CEP350: variants seen among roughly 807,000 people sequenced by gnomAD.
The protein encoded by CEP350 is centrosome-associated protein 350.
In CEP350, 126 loss-of-function variants were observed where a neutral mutation model predicts 331.8. The observed-to-expected ratio is 0.38, with a 90% CI of 0.33 to 0.44. The LOEUF (loss-of-function observed/expected upper bound fraction) is 0.44, where lower values mean the gene tolerates loss of function less well. CEP350 is among the 20% of genes least tolerant of loss of function. The pLI, the probability that CEP350 is intolerant of heterozygous loss-of-function variation, is 1.00. For synonymous variants in CEP350, 1,200 were observed against 1,259.5 expected (o/e 0.95, Z 1.00); for missense variants, 3,406 against 3,634.6 (o/e 0.94, Z 1.62).
intron 1 of CEP350, among the ~76,000 whole-genome samples, chr1:179,961,744 G>A (rs1329038543): frequency 6.6e-6 from 1 of 152,032 alleles, no homozygotes; most frequent in Non-Finnish European, 1.5e-5. Context: ...TCGTTACATG[G>A]GTATATTGCA....
chr1:180,063,317 G>T (rs1383295541), intron 26 of CEP350, among the ~76,000 whole-genome samples: 1 of 148,242 alleles, frequency 6.7e-6, no homozygotes, highest in Non-Finnish European at 1.5e-5. Flanking sequence ...TCAGCCTCCC[G>T]AGTAGCTGGG....
At chr1:180,105,575 A>G (rs1016718383) in intron 37 of CEP350, among the ~76,000 whole-genome samples, 4 of 152,130 alleles carry the variant, frequency 2.6e-5, no homozygotes, top group African/African-American at 7.2e-5. Flanking sequence ...CTCTATACCA[A>G]TCTGTTGAGA....
At chr1:180,042,217 T>C (rs1443483348) in intron 19 of CEP350, among the ~76,000 whole-genome samples, 1 of 151,784 alleles carries the variant, frequency 6.6e-6, no homozygotes, top group Non-Finnish European at 1.5e-5. Context: ...TTTCCTCATG[T>C]CTCTTTGCAA....
chr1:179,971,038 T>G (rs566270600), intron 1 of CEP350, among the ~76,000 whole-genome samples: 2 of 151,820 alleles, frequency 1.3e-5, no homozygotes, highest in East Asian at 3.9e-4. Context: ...GTTTGTTTTT[T>G]TTTTTTTTGA....
At chr1:179,990,656 A>G (rs1652987079) in intron 4 of CEP350, 35 bp downstream of exon 4, 9 of 1,135,186 alleles carry the variant, frequency 7.9e-6, no homozygotes, top group Non-Finnish European at 1.1e-5. Flanking sequence ...ATATACATAT[A>G]TTAAATATAA....
In CEP350 at chr1:180,048,628, C is replaced by A; in HGVS notation, c.4715C>A (p.Ser1572Tyr). Residue 1572 changes from serine to tyrosine, a missense_variant, in exon 22 of 38, where the codon TCC becomes TAC. By Grantham distance (144) the Ser-to-Tyr change is moderately radical. Transcript: ENST00000367607. ...KKLNGEKIES[S>Y]IDEQVQTAAD... Reference sequence around the variant, plus strand: ...CTTAATGGTGAAAAGATAGAGAGTTCCATTGATGAACAGGTTCAGACTGCT... The same window carrying A: ...CTTAATGGTGAAAAGATAGAGAGTTACATTGATGAACAGGTTCAGACTGCT... The A allele has an allele frequency of 6.2e-7, 1 of 1,609,690 alleles. No homozygotes were observed. The highest frequency in any genetic ancestry group is 8.5e-7 in the Non-Finnish European group (1 of 1,176,110).
intron 21 of CEP350, among the ~76,000 whole-genome samples, chr1:180,047,441 G>A (rs542452974): frequency 1.1e-4 from 16 of 152,136 alleles, no homozygotes; most frequent in African/African-American, 3.9e-4. Context: ...GGTTAAGATT[G>A]CCCAAGGAGA....
In CEP350 at chr1:180,043,655, T is replaced by TG. The variant is rs1220828680; in HGVS notation, c.4500-395dup. On this transcript the variant is annotated intron_variant, in intron 20 of 37. Coordinates refer to ENST00000367607, the MANE Select transcript of CEP350 (RefSeq NM_014810.5). Reference sequence around the variant, plus strand: ...GAGCAAAGAAAATGGTATGAGATGATGCAGGGATCAGATCAAGGTATAGGA... The same window carrying TG: ...GAGCAAAGAAAATGGTATGAGATGATGGCAGGGATCAGATCAAGGTATAGGA... Among the ~76,000 whole-genome samples the TG allele has an allele frequency of 5.3e-5, 8 of 152,316 alleles. No individual in the cohort carries two copies. The East Asian group carries it at 1.5e-3, about 29-fold the overall frequency.
Position 180,089,654 on chromosome 1 carries a change from G to A in CEP350, c.6426-1060G>A, listed in dbSNP as rs1278284198. 3.3e-5 allele frequency among the ~76,000 whole-genome samples: 5 copies of A among 152,020 alleles called. 1 individual carries two copies. The highest frequency in any genetic ancestry group is 7.3e-5 in the African/African-American group (3 of 41,378). On this transcript the variant is annotated intron_variant, in intron 32 of 37. Coordinates refer to ENST00000367607, the MANE Select transcript of CEP350 (RefSeq NM_014810.5). ...GGGTAGCAAGTCTAAGATGACTCCC[G>A]GGTTTCTCTTAGGTAGTTGATTGGG...
Position 180,114,251 on chromosome 1 carries a change from G to C in CEP350, c.*3090G>C, listed in dbSNP as rs374486528. 24 of 152,668 alleles carry C rather than the reference G, an allele frequency of 1.6e-4. No individual in the cohort carries two copies. Among genetic ancestry groups the C allele is most frequent in the African/African-American group, 5.8e-4 (24 of 41,560 alleles). The allele number at this position is 152,668 out of a possible 1,614,324, so 9.5% of individuals were successfully genotyped here. Reference sequence around the variant, plus strand: ...TTGAATAAAGTGTGTACTCGCAAAAGAATTTCTGTAGCACAGCATTAGAGA... The same window carrying C: ...TTGAATAAAGTGTGTACTCGCAAAACAATTTCTGTAGCACAGCATTAGAGA... On this transcript the variant is annotated 3_prime_UTR_variant, in exon 38 of 38. Coordinates refer to ENST00000367607, the MANE Select transcript of CEP350 (RefSeq NM_014810.5).
In CEP350 at chr1:180,072,530, G is replaced by A. The variant is rs116125179; in HGVS notation, c.5568-2492G>A. 7.2e-3 allele frequency among the ~76,000 whole-genome samples: 1,102 copies of A among 152,194 alleles called. 4 individuals are homozygous for A. Among genetic ancestry groups the A allele is most frequent in the South Asian group, 8.1e-3 (39 of 4,818 alleles). Reference sequence around the variant, plus strand: ...TGGCATCAAAATAAGTTTATTGTACGTTCATAAAGAATGGCAAGGAAGATT... The same window carrying A: ...TGGCATCAAAATAAGTTTATTGTACATTCATAAAGAATGGCAAGGAAGATT... On this transcript the variant is annotated intron_variant, in intron 27 of 37. Transcript: ENST00000367607.
intron 15 of CEP350, 109 bp from the exon 16 acceptor site, chr1:180,033,753 T>G: frequency 8.8e-7 from 1 of 1,130,708 alleles, no homozygotes; most frequent in Middle Eastern, 2.4e-4. Flanking sequence ...ATCACAACTT[T>G]TTAAAGCTAA....
chr1:180,043,273 T>C, intron 20 of CEP350, 81 bp downstream of exon 20: 1 of 1,450,038 alleles, frequency 6.9e-7, no homozygotes, highest in Non-Finnish European at 9.2e-7. Context: ...AATGAGTATT[T>C]GTTGTTATAG....
chr1:180,046,566 A>G (rs1657134673), intron 21 of CEP350, among the ~76,000 whole-genome samples: 1 of 152,192 alleles, frequency 6.6e-6, no homozygotes. Flanking sequence ...TTGTGTGGAT[A>G]TGTTTTCATT....
At chr1:179,962,441 G>T (rs1352345778) in intron 1 of CEP350, among the ~76,000 whole-genome samples, 24 of 151,810 alleles carry the variant, frequency 1.6e-4, no homozygotes, top group Non-Finnish European at 1.0e-4. Flanking sequence ...GCAGAGTCTC[G>T]CTCTGTTGCT....
intron 7 of CEP350, among the ~76,000 whole-genome samples, chr1:180,004,898 GCTTGCTTGCTTT>G (rs1457881559): frequency 8.4e-4 from 102 of 121,450 alleles, no homozygotes; most frequent in African/African-American, 3.1e-3. Flanking sequence ...TTGCTTGCTT[GCTTGCTTGCTTT>G]CTTTCTTTCT....
intron 1 of CEP350, among the ~76,000 whole-genome samples, chr1:179,957,266 ATTG>A (rs910779697): frequency 2.0e-5 from 3 of 152,156 alleles, no homozygotes; most frequent in Non-Finnish European, 4.4e-5. Flanking sequence ...TGATGATTTT[ATTG>A]TTGAGACAAC....
At chr1:180,102,992 A>G (rs1409288929) in intron 37 of CEP350, among the ~76,000 whole-genome samples, 2 of 152,202 alleles carry the variant, frequency 1.3e-5, no homozygotes, top group African/African-American at 4.8e-5. Flanking sequence ...ATGAGAGAGG[A>G]GAGCAGCTCT....
intron 17 of CEP350, 37 bp from the exon 18 acceptor site, chr1:180,041,101 C>A (rs574314280): frequency 6.9e-7 from 1 of 1,452,654 alleles, no homozygotes; most frequent in South Asian, 1.2e-5. Flanking sequence ...AAAATAGTTT[C>A]GTATCTGAGA....
Sources: gnomAD v4.1 joint callset for allele counts (sites outside exome capture counted in the v4.1 genomes callset) on GRCh38, gnomAD v4.1.1 for gene constraint, MANE v1.5 for transcripts, NCBI Gene and HGNC (gene_info 2026-07-23, HGNC 2026-07-21) for gene names.